The following BTNL2 variants were observed in gnomAD, a reference collection of about 807,000 sequenced individuals.
The protein encoded by BTNL2 is butyrophilin-like protein 2.
Under a neutral mutation model 46.8 loss-of-function variants are expected in BTNL2, and 46 were observed. The ratio of observed to expected loss-of-function variants is 0.98; its 90% confidence interval spans 0.78 to 1.26. The LOEUF (loss-of-function observed/expected upper bound fraction) is 1.26, where lower values mean the gene tolerates loss of function less well. BTNL2 is among the 50% of genes most tolerant of loss of function. The probability of loss-of-function intolerance (pLI) is 0.00; values close to 1 mark genes in which losing one functional copy is unlikely to be tolerated. For missense variants in BTNL2, 461 were observed against 592.6 expected (o/e 0.78, Z 2.31); for synonymous variants, 226 against 229.1 (o/e 0.99, Z 0.12).
intron 2 of BTNL2, chr6:32,403,592 TTGTC>T (rs1460697614): frequency 1.6e-5 from 3 of 192,386 alleles, no homozygotes; most frequent in Admixed American, 5.4e-5. Flanking sequence ...ATTGGGCACA[TTGTC>T]TGGTATTTTA....
chr6:32,394,615 G>T lies in BTNL2; in HGVS notation c.1360+129C>A. The T allele has an allele frequency of 9.0e-7, 1 of 1,117,212 alleles. No homozygotes were observed. The highest frequency in any genetic ancestry group is 1.3e-6 in the Non-Finnish European group (1 of 793,282). The allele number at this position is 1,117,212 out of a possible 1,614,324, so 69.2% of individuals were successfully genotyped here. The stretch of plus-strand genomic sequence containing the variant: ...TGTCCTGAAAACCAGCTTTGCAGAG[G>T]ATAGCAGGAGACCTCGTCAGAGATC... On this transcript the variant is annotated intron_variant, in intron 6 of 7. Transcript: ENST00000454136. The surrounding 1 kb of genome is among the most constrained non-coding windows in gnomAD (Gnocchi z 4.6).
Position 32,393,864 on chromosome 6 carries a change from CT to C in BTNL2, c.*6+98del. The C allele has an allele frequency of 6.9e-7, 1 of 1,440,884 alleles. No homozygotes were observed. The highest frequency in any genetic ancestry group is 9.2e-7 in the Non-Finnish European group (1 of 1,086,050). 89.3% of individuals were successfully genotyped at this position (1,440,884 alleles called of 1,614,324 possible). A position where few individuals can be genotyped will look rare whatever the true frequency, so the allele number is the denominator to read the frequency against. ...TCCTTAGTTACTGGATATTCACTGA[CT>C]GCCTCCCATAGGTGACTTGTGAAAA... On this transcript the variant is annotated intron_variant, in intron 7 of 7. Coordinates refer to ENST00000454136, the MANE Select transcript of BTNL2 (RefSeq NM_001304561.2). The surrounding 1 kb of genome is among the most constrained non-coding windows in gnomAD (Gnocchi z 4.8).
Position 32,407,035 on chromosome 6 carries a change from G to C in BTNL2, c.79+10C>G, listed in dbSNP as rs367646853. ...TTAGACTATACAGTAAAGGGAGAAG[G>C]GAATCCTACCTGACTGCTTCATTGT... On this transcript the variant is annotated intron_variant, in intron 1 of 7. Transcript: ENST00000454136. The C allele has an allele frequency of 1.8e-5, 29 of 1,611,536 alleles. No individual in the cohort carries two copies. The East Asian group carries it at 6.0e-4, about 33-fold the overall frequency.
chr6:32,398,914 A>G (rs1031228080), intron 4 of BTNL2, among the ~76,000 whole-genome samples: 2 of 142,918 alleles, frequency 1.4e-5, no homozygotes, highest in Non-Finnish European at 3.1e-5. Flanking sequence ...CACTATGCCT[A>G]ACCCACTTTT....
Position 32,399,643 on chromosome 6 carries a change from G to C in BTNL2, c.730+2142C>G, listed in dbSNP as rs755798461. On this transcript the variant is annotated intron_variant, in intron 4 of 7. Transcript: ENST00000454136. This position sits in a 1 kb window ranked among gnomAD's most constrained non-coding sequence, Gnocchi z 5.2. Reference sequence around the variant, plus strand: ...TTCTTCCTGATTTTTGGCAAACCATGTATGTCTCTAAGATTGTTTCTTAGC... The same window carrying C: ...TTCTTCCTGATTTTTGGCAAACCATCTATGTCTCTAAGATTGTTTCTTAGC... Among the ~76,000 whole-genome samples the C allele has an allele frequency of 2.0e-5, 3 of 152,164 alleles. No homozygotes were observed. Among genetic ancestry groups the C allele is most frequent in the Non-Finnish European group, 4.4e-5 (3 of 68,022 alleles).
At chr6:32,395,307 C>T (rs116881236) in intron 5 of BTNL2, among the ~76,000 whole-genome samples, 1,869 of 152,252 alleles carry the variant, frequency 0.012, 69 homozygotes, top group East Asian at 0.11. Flanking sequence ...AAAATAACTT[C>T]GGCCAGGGCA....
At chr6:32,398,857 G>A (rs117347363) in intron 4 of BTNL2, among the ~76,000 whole-genome samples, 2,610 of 152,218 alleles carry the variant, frequency 0.017, 76 homozygotes, top group East Asian at 0.11. Context: ...ATGCAGCCCT[G>A]TTTGTTAATA....
At chr6:32,401,396 T>A (rs117627382) in intron 4 of BTNL2, among the ~76,000 whole-genome samples, 1,824 of 152,044 alleles carry the variant, frequency 0.012, 62 homozygotes, top group East Asian at 0.1. Flanking sequence ...CAGGTTGTCA[T>A]AATGATGCTG....
intron 4 of BTNL2, among the ~76,000 whole-genome samples, 193 bp downstream of exon 4, chr6:32,401,592 G>GT (rs1189520999): frequency 1.3e-5 from 2 of 152,146 alleles, no homozygotes; most frequent in Non-Finnish European, 2.9e-5. Flanking sequence ...AAAGTGTCAG[G>GT]TAACACAGCT....
At chr6:32,398,786 A>G (rs931834181) in intron 4 of BTNL2, among the ~76,000 whole-genome samples, 10 of 152,262 alleles carry the variant, frequency 6.6e-5, no homozygotes, top group Non-Finnish European at 2.9e-5. Context: ...TTACAGATAC[A>G]GACAAAACTC....
chr6:32,398,439 G>T (rs910974332), intron 4 of BTNL2, among the ~76,000 whole-genome samples: 1 of 152,128 alleles, frequency 6.6e-6, no homozygotes, highest in African/African-American at 2.4e-5. Flanking sequence ...CATTTTGTTT[G>T]CTTTGTCCTG....
chr6:32,395,627 A>T (rs1486926876), intron 5 of BTNL2, among the ~76,000 whole-genome samples: 2 of 152,226 alleles, frequency 1.3e-5, no homozygotes, highest in Non-Finnish European at 2.9e-5. Flanking sequence ...TGTCCCTGCC[A>T]AAACTGTCAA....
rs1776460428 is a variant in BTNL2 at position 32,396,425 on chromosome 6, A to G, written c.731-39T>C. The G allele has an allele frequency of 6.5e-7, 1 of 1,541,524 alleles. No homozygotes were observed. The highest frequency in any genetic ancestry group is 1.4e-5 in the African/African-American group (1 of 73,626). On this transcript the variant is annotated intron_variant, in intron 4 of 7. Transcript: ENST00000454136. This position sits in a 1 kb window ranked among gnomAD's most constrained non-coding sequence, Gnocchi z 4.4. ...TGGACAAAACACAATGAAAGAATCA[A>G]AATGGAACCAATAATGTCATCTCTA...
At chr6:32,402,393 A>ATAGT (rs1171835371) in intron 3 of BTNL2, among the ~76,000 whole-genome samples, 1 of 151,422 alleles carries the variant, frequency 6.6e-6, no homozygotes, top group Non-Finnish European at 1.5e-5. Flanking sequence ...TTATCATTGA[A>ATAGT]TAGTGCATCA....
intron 4 of BTNL2, among the ~76,000 whole-genome samples, chr6:32,400,750 A>AT (rs1554223820): frequency 9.5e-5 from 10 of 105,752 alleles, no homozygotes; most frequent in Non-Finnish European, 1.3e-4. Context: ...TCTACTAAAA[A>AT]AAAAAAAAAA....
In BTNL2 at chr6:32,395,306, T is replaced by C. The variant is rs371096855; in HGVS notation, c.1079-281A>G. On this transcript the variant is annotated intron_variant, in intron 5 of 7. Coordinates refer to ENST00000454136, the MANE Select transcript of BTNL2 (RefSeq NM_001304561.2). ...TTCTGTCCCTGAGAACAAAATAACT[T>C]CGGCCAGGGCATGGGTCACATGGAC... 2.2e-4 allele frequency among the ~76,000 whole-genome samples: 33 copies of C among 152,314 alleles called. No individual in the cohort carries two copies. In the East Asian group the frequency reaches 5.6e-3, roughly 26 times the overall value.
At chr6:32,401,722 C>T in intron 4 of BTNL2, 63 bp downstream of exon 4, 9 of 1,503,880 alleles carry the variant, frequency 6.0e-6, no homozygotes, top group Non-Finnish European at 8.2e-6. Flanking sequence ...TGGTAGCTCC[C>T]CTCCCTCTGC....
In BTNL2 at chr6:32,394,832, C is replaced by T. The variant is rs759388058; in HGVS notation, c.1272G>A (p.Arg424=). 6.2e-7 allele frequency: 1 copy of T among 1,614,130 alleles called. No homozygotes were observed. Among genetic ancestry groups the T allele is most frequent in the Non-Finnish European group, 8.5e-7 (1 of 1,180,028 alleles). ...HGLFHVQTLL[R]VTNISAVDVT... is the part of the protein sequence containing the mutation. ...CGTCCACAGCGGAGATGTTTGTGAC[C>T]CTTAGCAATGTCTGCACGTGGAACA... The change falls in exon 6 of 8, where the codon AGG becomes AGA. Residue 424 remains arginine (R), a synonymous_variant. Transcript: ENST00000454136. The surrounding 1 kb of genome is among the most constrained non-coding windows in gnomAD (Gnocchi z 4.6).
At position 32,393,918 on chromosome 6, in the gene BTNL2, G is replaced by T; in HGVS notation, c.*6+45C>A. On this transcript the variant is annotated intron_variant, in intron 7 of 7. Transcript: ENST00000454136. This position sits in a 1 kb window ranked among gnomAD's most constrained non-coding sequence, Gnocchi z 4.8. ...GAGGCTCGGGGAAGTACGCAGTACG[G>T]TTCCCACTGCAGTGTGCTCCGCTGT... The T allele has an allele frequency of 3.2e-6, 5 of 1,546,590 alleles. No individual in the cohort carries two copies. The highest frequency in any genetic ancestry group is 4.4e-6 in the Non-Finnish European group (5 of 1,144,928).
Sources: gnomAD v4.1 joint callset for allele counts (sites outside exome capture counted in the v4.1 genomes callset) on GRCh38, gnomAD v4.1.1 for gene constraint, Gnocchi (gnomAD v3.1) non-coding constraint, MANE v1.5 for transcripts, NCBI Gene and HGNC (gene_info 2026-07-23, HGNC 2026-07-21) for gene names.